USP15: variants seen among roughly 807,000 people sequenced by gnomAD.
The protein encoded by USP15 is ubiquitin carboxyl-terminal hydrolase 15.
Under a neutral mutation model 127.1 loss-of-function variants are expected in USP15, and 18 were observed. The ratio of observed to expected loss-of-function variants is 0.14; its 90% CI spans 0.10 to 0.21. The LOEUF is 0.21. Ranked by LOEUF, USP15 falls within the 10% of genes least tolerant of loss-of-function variation. The pLI, the probability that USP15 is intolerant of heterozygous loss-of-function variation, is 1.00. For synonymous variants in USP15, 364 were observed against 393.7 expected (o/e 0.92, Z 0.89); for missense variants, 805 against 1,159.9 (o/e 0.69, Z 4.44).
intron 1 of USP15, among the ~76,000 whole-genome samples, chr12:62,268,181 A>G (rs924868561): frequency 6.6e-6 from 1 of 152,096 alleles, no homozygotes; most frequent in Non-Finnish European, 1.5e-5. Context: ...TATATGAAAT[A>G]CATGGTAGTA....
intron 21 of USP15, among the ~76,000 whole-genome samples, chr12:62,402,445 A>C (rs1474653903): frequency 6.6e-6 from 1 of 152,032 alleles, no homozygotes; most frequent in Non-Finnish European, 1.5e-5. Flanking sequence ...CTCAACTCAG[A>C]TTTGGGGTTT....
intron 8 of USP15, among the ~76,000 whole-genome samples, chr12:62,365,214 C>T (rs935651465): frequency 1.3e-5 from 2 of 152,202 alleles, no homozygotes; most frequent in African/African-American, 4.8e-5. Context: ...TCCTTTCCAG[C>T]ATCTGTTGTT....
intron 6 of USP15, among the ~76,000 whole-genome samples, chr12:62,330,870 G>C (rs1341781472): frequency 6.8e-6 from 1 of 147,964 alleles, no homozygotes; most frequent in Non-Finnish European, 1.5e-5. Context: ...AGGCTGCAAA[G>C]AGCTGTGATC....
At chr12:62,294,460 T>C (rs2064069579) in intron 2 of USP15, 154 bp downstream of exon 2, 4 of 737,918 alleles carry the variant, frequency 5.4e-6, no homozygotes, top group Non-Finnish European at 8.1e-6. Flanking sequence ...TAATAAGTTA[T>C]TAAAAATTTT....
At chr12:62,282,996 G>C (rs946841762) in intron 1 of USP15, among the ~76,000 whole-genome samples, 1 of 152,018 alleles carries the variant, frequency 6.6e-6, no homozygotes, top group Non-Finnish European at 1.5e-5. Flanking sequence ...ATTTTTAATG[G>C]ATATGGCATT....
intron 1 of USP15, among the ~76,000 whole-genome samples, chr12:62,264,779 T>G (rs11614978): frequency 6.6e-6 from 1 of 152,216 alleles, no homozygotes; most frequent in Non-Finnish European, 1.5e-5. Context: ...AAAGGAACAC[T>G]ATTACTCAAC....
At chr12:62,358,160 A>T (rs1026070824) in intron 8 of USP15, among the ~76,000 whole-genome samples, 14 of 148,298 alleles carry the variant, frequency 9.4e-5, no homozygotes, top group African/African-American at 2.7e-4. Flanking sequence ...AACATATGTT[A>T]AAAAAAAAAG....
At chr12:62,372,423 T>C (rs1290765623) in intron 8 of USP15, among the ~76,000 whole-genome samples, 1 of 152,112 alleles carries the variant, frequency 6.6e-6, no homozygotes, top group Non-Finnish European at 1.5e-5. Context: ...AGAACATTAT[T>C]TGTATACTTA....
chr12:62,344,196 C>T (rs1467424040), intron 6 of USP15, among the ~76,000 whole-genome samples: 1 of 152,160 alleles, frequency 6.6e-6, no homozygotes, highest in Non-Finnish European at 1.5e-5. Flanking sequence ...ACCTATGAGC[C>T]TGTAAAATCA....
chr12:62,294,164 T>C lies in USP15; in HGVS notation c.90-15T>C. ...TTTCAGGTATTTTCCTTAACCAATT[T>C]CTTTTATTTTTTAGGTACCTAGTCG... On this transcript the variant is annotated splice_polypyrimidine_tract_variant and intron_variant, in intron 1 of 21. Transcript: ENST00000280377. 1 of 1,608,858 alleles carries C rather than the reference T, an allele frequency of 6.2e-7. No individual in the cohort carries two copies. The highest frequency in any genetic ancestry group is 1.1e-5 in the South Asian group (1 of 90,310).
At chr12:62,388,835 A>G (rs1197640292) in intron 11 of USP15, among the ~76,000 whole-genome samples, 1 of 152,160 alleles carries the variant, frequency 6.6e-6, no homozygotes, top group Admixed American at 6.5e-5. Flanking sequence ...CGAGTTTAAG[A>G]TACTAAAAGT....
intron 21 of USP15, 119 bp from the exon 22 acceptor site, chr12:62,404,074 A>G: frequency 2.4e-6 from 3 of 1,249,520 alleles, no homozygotes; most frequent in Non-Finnish European, 3.1e-6. Flanking sequence ...TTGACCATGC[A>G]TGGTTTTTCT....
chr12:62,345,642 T>C (rs2065793050), intron 6 of USP15, among the ~76,000 whole-genome samples: 1 of 152,160 alleles, frequency 6.6e-6, no homozygotes, highest in South Asian at 2.1e-4. Context: ...GGTACCAATT[T>C]ACTCTTTTAG....
chr12:62,378,074 G>C lies in USP15; in HGVS notation c.916-3416G>C, dbSNP rs560325573. ...ATACAAAAATTAGCCAGGTGCGGTGGTGGGCGCCTATAATCCCAGCTACTG... is the reference window on the plus strand; with the variant it reads ...ATACAAAAATTAGCCAGGTGCGGTGCTGGGCGCCTATAATCCCAGCTACTG... On this transcript the variant is annotated intron_variant, in intron 8 of 21. Coordinates refer to ENST00000280377, the MANE Select transcript of USP15 (RefSeq NM_001252078.2). 7.8e-4 allele frequency among the ~76,000 whole-genome samples: 119 copies of C among 152,224 alleles called. 1 individual carries two copies. Among genetic ancestry groups the C allele is most frequent in the African/African-American group, 2.8e-3 (118 of 41,542 alleles).
At position 62,390,979 on chromosome 12, in the gene USP15, A is replaced by G. The variant is rs2067308788; in HGVS notation, c.1960A>G (p.Ser654Gly). 1 of 1,607,070 alleles carries G rather than the reference A, an allele frequency of 6.2e-7. No homozygotes were observed. Among genetic ancestry groups the G allele is most frequent in the African/African-American group, 1.3e-5 (1 of 74,700 alleles). ...PNGIHEEGSP[S>G]EMETDEPDDE... ...TGGCATACATGAAGAAGGCTCACCAAGTAAGACTTTTCTGTTAAATTGTAC... is the reference window on the plus strand; with the variant it reads ...TGGCATACATGAAGAAGGCTCACCAGGTAAGACTTTTCTGTTAAATTGTAC... The change falls in exon 15 of 22, where the codon AGT (serine) becomes GGT (glycine). Residue 654 changes from serine to glycine, a missense_variant and splice_region_variant. By Grantham distance (56) the Ser-to-Gly change is moderately conservative. Transcript: ENST00000280377.
chr12:62,273,641 T>C (rs2063402010), intron 1 of USP15, among the ~76,000 whole-genome samples: 1 of 152,112 alleles, frequency 6.6e-6, no homozygotes, highest in Non-Finnish European at 1.5e-5. Flanking sequence ...AAATTGAGAT[T>C]GGTATGACAA....
In USP15 at chr12:62,374,306, C is replaced by T. The variant is rs536671319; in HGVS notation, c.916-7184C>T. 31 of 877,032 alleles carry T rather than the reference C, an allele frequency of 3.5e-5. No individual in the cohort carries two copies. The South Asian group carries it at 1.3e-3, about 36-fold the overall frequency. 54.3% of individuals were successfully genotyped at this position (877,032 alleles called of 1,614,324 possible). On this transcript the variant is annotated intron_variant, in intron 8 of 21. Transcript: ENST00000280377. ...TTTTTAAGGGTTGTGAGTGGTATTA[C>T]CTTTTGATTAGTTATAGAATGAGTT...
intron 8 of USP15, among the ~76,000 whole-genome samples, chr12:62,378,335 A>G (rs535438429): frequency 3.9e-5 from 6 of 152,342 alleles, no homozygotes; most frequent in African/African-American, 1.4e-4. Context: ...TGATTTGTGT[A>G]TTAGTAGAAC....
intron 7 of USP15, among the ~76,000 whole-genome samples, chr12:62,353,861 A>G (rs922960685): frequency 6.6e-6 from 1 of 151,980 alleles, no homozygotes; most frequent in African/African-American, 2.4e-5. Context: ...CATGAATTAT[A>G]TTTTTTGTGT....
Sources: allele counts gnomAD v4.1 joint callset (sites outside exome capture counted in the v4.1 genomes callset), GRCh38; gene constraint gnomAD v4.1.1; transcripts MANE v1.5; gene names NCBI Gene and HGNC (gene_info 2026-07-23, HGNC 2026-07-21).